TP53BP2: variants seen among roughly 807,000 people sequenced by gnomAD.
The protein encoded by TP53BP2 is apoptosis-stimulating of p53 protein 2.
A neutral mutation model predicts 126.2 loss-of-function variants in TP53BP2; 62 were observed. The ratio of observed to expected loss-of-function variants is 0.49; its 90% CI spans 0.40 to 0.61. The LOEUF (loss-of-function observed/expected upper bound fraction) is 0.61. TP53BP2 is among the 20% of genes least tolerant of loss of function. TP53BP2 has a pLI of 0.00. For synonymous variants in TP53BP2, 485 were observed against 502.9 expected (o/e 0.96, Z 0.48); for missense variants, 1,215 against 1,402.8 (o/e 0.87, Z 2.14).
Position 223,800,049 on chromosome 1 carries a change from T to C in TP53BP2, c.1337-2A>G. ...TCAGCGGAACCTCTCCATCATCAAC[T>C]AAAGACAAAAAAATCACAATGACAT... is the stretch of plus-strand genomic sequence containing the variant. On this transcript the variant is annotated splice_acceptor_variant, in intron 10 of 17. Transcript: ENST00000343537. LOFTEE classifies it high-confidence loss of function. 1 of 1,592,240 alleles carries C rather than the reference T, an allele frequency of 6.3e-7. No homozygotes were observed. Among genetic ancestry groups the C allele is most frequent in the Non-Finnish European group, 8.5e-7 (1 of 1,173,508 alleles).
chr1:223,817,780 G>T (rs1663139456), intron 2 of TP53BP2, among the ~76,000 whole-genome samples: 1 of 151,954 alleles, frequency 6.6e-6, no homozygotes, highest in South Asian at 2.1e-4. Context: ...ATAAAAATTA[G>T]CTGGGCGTGG....
At chr1:223,838,943 A>G (rs913730498) in intron 1 of TP53BP2, among the ~76,000 whole-genome samples, 8 of 152,012 alleles carry the variant, frequency 5.3e-5, no homozygotes, top group Non-Finnish European at 1.5e-5. Context: ...TTGAAAGTTG[A>G]TAAGAGAACT....
Position 223,790,489 on chromosome 1 carries a change from A to G in TP53BP2, c.2997-1315T>C, listed in dbSNP as rs539879025. 2.8e-4 allele frequency among the ~76,000 whole-genome samples: 42 copies of G among 152,200 alleles called. No individual in the cohort carries two copies. In the East Asian group the frequency reaches 7.2e-3, roughly 26 times the overall value. On this transcript the variant is annotated intron_variant, in intron 15 of 17. Coordinates refer to ENST00000343537, the MANE Select transcript of TP53BP2 (RefSeq NM_001031685.3). ...GGGAGGCTGCTTCAGCCCAGAGGGC[A>G]GAAGTTACAGTGAGCCAAGATTGTG...
Position 223,780,112 on chromosome 1 carries a change from T to G in TP53BP2, c.*741A>C, listed in dbSNP as rs1257467239. The G allele has an allele frequency of 6.6e-6, 1 of 152,214 alleles. No homozygotes were observed. The highest frequency in any genetic ancestry group is 1.5e-5 in the Non-Finnish European group (1 of 68,042). The allele number at this position is 152,214 out of a possible 1,614,324, so 9.4% of individuals were successfully genotyped here. A position where few individuals can be genotyped will look rare whatever the true frequency, so the allele number is the denominator to read the frequency against. ...CTAGCATCAAAAAGTTTATTACAAC[T>G]GTTTTTAAAGTCAGCTATGATCTTG... On this transcript the variant is annotated 3_prime_UTR_variant, in exon 18 of 18. Coordinates refer to ENST00000343537, the MANE Select transcript of TP53BP2 (RefSeq NM_001031685.3).
At chr1:223,804,846 A>G (rs1287532247) in intron 5 of TP53BP2, among the ~76,000 whole-genome samples, 1 of 152,232 alleles carries the variant, frequency 6.6e-6, no homozygotes, top group Non-Finnish European at 1.5e-5. Context: ...ATCAATAGTA[A>G]CTACCAATGT....
At chr1:223,798,174 T>TACC in intron 12 of TP53BP2, 41 bp downstream of exon 12, 1 of 1,552,488 alleles carries the variant, frequency 6.4e-7, no homozygotes, top group Non-Finnish European at 8.8e-7. Context: ...AGTTCTGGTA[T>TACC]AGAACTTAAG....
chr1:223,805,121 T>C (rs939069579), intron 5 of TP53BP2, among the ~76,000 whole-genome samples: 1 of 152,160 alleles, frequency 6.6e-6, no homozygotes, highest in Non-Finnish European at 1.5e-5. Flanking sequence ...AGGTAAACTA[T>C]TTCTTAGATT....
In TP53BP2 at chr1:223,798,285, T is replaced by C; in HGVS notation, c.1878A>G (p.Gly626=). ...YSMYTQQQAP[G]KNFQQAVQSA... The stretch of plus-strand genomic sequence containing the variant: ...TCTGCACAGCCTGCTGGAAGTTTTT[T>C]CCTGGCGCCTGCTGTTGCGTATACA... Residue 626 remains glycine (G), a synonymous_variant, in exon 12 of 18, where the codon GGA becomes GGG. Coordinates refer to ENST00000343537, the MANE Select transcript of TP53BP2 (RefSeq NM_001031685.3). 6.2e-7 allele frequency: 1 copy of C among 1,614,214 alleles called. No homozygotes were observed. Among genetic ancestry groups the C allele is most frequent in the Non-Finnish European group, 8.5e-7 (1 of 1,180,034 alleles).
At chr1:223,786,886 G>A (rs560432725) in intron 16 of TP53BP2, among the ~76,000 whole-genome samples, 21 of 151,340 alleles carry the variant, frequency 1.4e-4, no homozygotes, top group African/African-American at 3.9e-4. Flanking sequence ...GATTATAGGC[G>A]TGAGCCACCG....
At chr1:223,802,040 G>A in intron 9 of TP53BP2, 76 bp downstream of exon 9, 3 of 1,378,450 alleles carry the variant, frequency 2.2e-6, no homozygotes, top group Non-Finnish European at 3.0e-6. Context: ...AATACAAAGA[G>A]AGATTTTTTT....
chr1:223,809,825 T>C (rs1013578724), intron 4 of TP53BP2, among the ~76,000 whole-genome samples: 1 of 152,104 alleles, frequency 6.6e-6, no homozygotes, highest in Middle Eastern at 3.4e-3. Flanking sequence ...TATAAATATA[T>C]AATTTTCCTT....
rs1329032400 is a variant in TP53BP2 at position 223,798,579 on chromosome 1, T to C, written c.1584A>G (p.Ser528=). ...PYFGQTNQPP[S]DIKPDGSSQQ... ...GAGAACTTCCGTCTGGCTTAATGTCTGAAGGTGGCTGATTAGTTTGTCCAA... is the reference window on the plus strand; with the variant it reads ...GAGAACTTCCGTCTGGCTTAATGTCCGAAGGTGGCTGATTAGTTTGTCCAA... The change falls in exon 12 of 18, where the codon TCA becomes TCG. Residue 528 remains serine (S), a synonymous_variant. Transcript: ENST00000343537. The C allele has an allele frequency of 6.2e-7, 1 of 1,614,188 alleles. No individual in the cohort carries two copies. The highest frequency in any genetic ancestry group is 8.5e-7 in the Non-Finnish European group (1 of 1,180,012).
At chr1:223,834,698 C>T (rs1032125252) in intron 1 of TP53BP2, 2 of 394,690 alleles carry the variant, frequency 5.1e-6, no homozygotes, top group African/African-American at 4.4e-5. Flanking sequence ...AGCCACTTTT[C>T]CTCACTTCTC....
At chr1:223,822,017 G>T (rs1014899330) in intron 1 of TP53BP2, among the ~76,000 whole-genome samples, 1 of 151,606 alleles carries the variant, frequency 6.6e-6, no homozygotes, top group African/African-American at 2.4e-5. Context: ...TCAGCCTCCC[G>T]AGTAGCTGGG....
intron 11 of TP53BP2, among the ~76,000 whole-genome samples, chr1:223,798,982 G>C (rs1168199379): frequency 6.6e-6 from 1 of 152,214 alleles, no homozygotes; most frequent in Non-Finnish European, 1.5e-5. Context: ...TGAGGCAGAA[G>C]AATCTCTTGA....
chr1:223,785,450 T>G (rs189951061), intron 16 of TP53BP2, among the ~76,000 whole-genome samples: 1 of 152,380 alleles, frequency 6.6e-6, no homozygotes, highest in East Asian at 1.9e-4. Flanking sequence ...AAACTTTATA[T>G]AACTGTAATT....
chr1:223,808,723 T>A, intron 4 of TP53BP2, among the ~76,000 whole-genome samples: 1 of 142,018 alleles, frequency 7.0e-6, no homozygotes, highest in Non-Finnish European at 1.5e-5. Flanking sequence ...AAAAGTATGC[T>A]CCATTAAAAA....
intron 4 of TP53BP2, among the ~76,000 whole-genome samples, chr1:223,808,519 C>T (rs548795913): frequency 4.4e-4 from 64 of 146,496 alleles, no homozygotes; most frequent in Admixed American, 1.5e-3. Context: ...CCAGCCTAGG[C>T]GACAGAGTGA....
At chr1:223,799,483 T>A (rs748776816) in intron 11 of TP53BP2, among the ~76,000 whole-genome samples, 1 of 152,206 alleles carries the variant, frequency 6.6e-6, no homozygotes. Context: ...TGGAATTTCA[T>A]GCAATCTAGA....
Sources: allele counts gnomAD v4.1 joint callset (sites outside exome capture counted in the v4.1 genomes callset), GRCh38; gene constraint gnomAD v4.1.1; transcripts MANE v1.5; gene names NCBI Gene and HGNC (gene_info 2026-07-23, HGNC 2026-07-21).